PCDHA3: variants seen among roughly 807,000 people sequenced by gnomAD.
PCDHA3 encodes the protein protocadherin alpha 3.
In PCDHA3, 41 loss-of-function variants were observed where a neutral mutation model predicts 62.2. The observed-to-expected ratio is 0.66, with a 90% CI of 0.51 to 0.86. The LOEUF (loss-of-function observed/expected upper bound fraction) is 0.86, where lower values mean the gene tolerates loss of function less well. Among genes scored for constraint, PCDHA3 ranks in the 40% least tolerant of loss-of-function variants. PCDHA3 has a pLI of 0.00. For synonymous variants in PCDHA3, 640 were observed against 555.4 expected (o/e 1.15, Z -2.14); for missense variants, 1,304 against 1,241.2 (o/e 1.05, Z -0.76).
At chr5:140,832,758 A>G (rs1554133636) in intron 1 of PCDHA3, among the ~76,000 whole-genome samples, 1 of 152,224 alleles carries the variant, frequency 6.6e-6, no homozygotes, top group Non-Finnish European at 1.5e-5. Flanking sequence ...AGTAAAAGCA[A>G]GAATATTGTA....
rs2098418726 is a variant in PCDHA3 at position 141,010,899 on chromosome 5, C to T, written c.*962C>T. 2 of 153,680 alleles carry T rather than the reference C, an allele frequency of 1.3e-5. No individual in the cohort carries two copies. Among genetic ancestry groups the T allele is most frequent in the Admixed American group, 6.6e-5 (1 of 15,264 alleles). The allele number at this position is 153,680 out of a possible 1,614,324, so 9.5% of individuals were successfully genotyped here. ...TTTAAAGAGAAATATGAATACAATT[C>T]CCCTAAACTCTCCTCAAAAGAGAAT... On this transcript the variant is annotated 3_prime_UTR_variant, in exon 4 of 4. Coordinates refer to ENST00000522353, the MANE Select transcript of PCDHA3 (RefSeq NM_018906.3).
intron 1 of PCDHA3, among the ~76,000 whole-genome samples, chr5:140,941,231 C>CTTTCTTTCTTTCTTTCTT (rs2092927472): frequency 2.2e-5 from 3 of 136,876 alleles, no homozygotes; most frequent in African/African-American, 8.3e-5. Context: ...TTCTTTCTTT[C>CTTTCTTTCTTTCTTTCTT]TTTCTTTCTT....
Position 140,870,665 on chromosome 5 carries a change from C to T in PCDHA3, c.2394+67074C>T, listed in dbSNP as rs782328974. ...AGCGGCAAGGTGTACGCGCTGCAGC[C>T]GTTGGACCACGAGGAGCTGGAGCTG... On this transcript the variant is annotated intron_variant, in intron 1 of 3. Coordinates refer to ENST00000522353, the MANE Select transcript of PCDHA3 (RefSeq NM_018906.3). 1.2e-5 allele frequency: 20 copies of T among 1,612,506 alleles called. No individual in the cohort carries two copies. The South Asian group carries it at 1.4e-4, about 12-fold the overall frequency.
intron 1 of PCDHA3, chr5:140,834,269 A>C: frequency 9.7e-7 from 1 of 1,036,048 alleles, no homozygotes; most frequent in Non-Finnish European, 1.4e-6. Flanking sequence ...ACTCTCTTTC[A>C]CTCTTTGGAT....
chr5:140,850,575 G>A, intron 1 of PCDHA3: 1 of 1,598,458 alleles, frequency 6.3e-7, no homozygotes, highest in Non-Finnish European at 8.6e-7. Flanking sequence ...GGTGACGCTG[G>A]TGGATGTCAA....
chr5:140,941,201 TCC>T lies in PCDHA3; in HGVS notation c.2395-37747_2395-37746del, dbSNP rs1554213890. On this transcript the variant is annotated intron_variant, in intron 1 of 3. Coordinates refer to ENST00000522353, the MANE Select transcript of PCDHA3 (RefSeq NM_018906.3). The stretch of plus-strand genomic sequence containing the variant: ...ATCCTGCTTCTTTTTTTTTCTTTCT[TCC>T]TTTCTTTCTTCCTTTCTTTCTTTCT... 4.9e-3 allele frequency among the ~76,000 whole-genome samples: 512 copies of T among 103,578 alleles called. 4 individuals are homozygous for T. The highest frequency in any genetic ancestry group is 7.0e-3 in the African/African-American group (178 of 25,432). 68.0% of individuals were successfully genotyped at this position (103,578 alleles called of 152,430 possible). A position where few individuals can be genotyped will look rare whatever the true frequency, so the allele number is the denominator to read the frequency against.
At position 140,801,490 on chromosome 5, in the gene PCDHA3, G is replaced by A. The variant is rs782381789; in HGVS notation, c.293G>A (p.Arg98Gln). 7 of 1,614,006 alleles carry A rather than the reference G, an allele frequency of 4.3e-6. No homozygotes were observed. The highest frequency in any genetic ancestry group is 1.7e-4 in the Middle Eastern group (1 of 5,978). The change falls in exon 1 of 4, where the codon CGG becomes CAG. Residue 98 changes from arginine (R) to glutamine (Q), a missense_variant. Transcript: ENST00000522353. Reference sequence around the variant, plus strand: ...ATAGACCGCGAGGAACTGTGCGGGCGGAGCGCGGAGTGCAGCATCCACCTG... The same window carrying A: ...ATAGACCGCGAGGAACTGTGCGGGCAGAGCGCGGAGTGCAGCATCCACCTG... ...SRIDREELCG[R>Q]SAECSIHLEV...
At chr5:140,832,322 A>C (rs187612308) in intron 1 of PCDHA3, among the ~76,000 whole-genome samples, 11 of 152,360 alleles carry the variant, frequency 7.2e-5, no homozygotes, top group African/African-American at 2.4e-4. Context: ...CTTAAGGGCC[A>C]TTAGAGGACT....
At chr5:140,915,814 A>G (rs2077313905) in intron 1 of PCDHA3, among the ~76,000 whole-genome samples, 1 of 152,102 alleles carries the variant, frequency 6.6e-6, no homozygotes, top group African/African-American at 2.4e-5. Flanking sequence ...TGTTCACTCA[A>G]GGCCCTAGGG....
In PCDHA3 at chr5:140,898,801, A is replaced by T. The variant is rs1275933236; in HGVS notation, c.2395-80148A>T. The stretch of plus-strand genomic sequence containing the variant: ...TGGGCAGTATGGCCATTTTCACGAT[A>T]CTGATTCTTCCTACCCATGAGCATG... On this transcript the variant is annotated intron_variant, in intron 1 of 3. Coordinates refer to ENST00000522353, the MANE Select transcript of PCDHA3 (RefSeq NM_018906.3). Among the ~76,000 whole-genome samples the T allele has an allele frequency of 1.3e-5, 2 of 152,200 alleles. 1 individual carries two copies. The highest frequency in any genetic ancestry group is 3.8e-4 in the East Asian group (2 of 5,198).
intron 1 of PCDHA3, chr5:140,877,530 T>C: frequency 1.2e-6 from 2 of 1,613,780 alleles, no homozygotes; most frequent in Non-Finnish European, 1.7e-6. Context: ...CAGTGGGCGC[T>C]GTGGATCCCG....
rs774149101 is a variant in PCDHA3 at position 140,801,740 on chromosome 5, C to T, written c.543C>T (p.Asp181=). 1.9e-6 allele frequency: 3 copies of T among 1,613,818 alleles called. No individual in the cohort carries two copies. Among genetic ancestry groups the T allele is most frequent in the Non-Finnish European group, 2.5e-6 (3 of 1,179,994 alleles). The part of the protein sequence containing the change: ...SLDSTEYFTL[D]VKRNDEEIKS... ...ATTCCACTGAATATTTTACCTTGGA[C>T]GTTAAAAGAAATGATGAGGAAATTA... The change falls in exon 1 of 4, where the codon GAC becomes GAT. Residue 181 remains aspartate, a synonymous_variant. Coordinates refer to ENST00000522353, the MANE Select transcript of PCDHA3 (RefSeq NM_018906.3).
chr5:140,882,152 G>A (rs1582595300), intron 1 of PCDHA3: 2 of 1,505,314 alleles, frequency 1.3e-6, no homozygotes, highest in Non-Finnish European at 8.9e-7. Flanking sequence ...GCAGAAAGCG[G>A]AATACCTCTT....
At position 140,856,129 on chromosome 5, in the gene PCDHA3, C is replaced by A. The variant is rs149039484; in HGVS notation, c.2394+52538C>A. Reference sequence around the variant, plus strand: ...TCCTCGCAGCCTGGGAGGTGGGGAGCGGCCAGCTCCACTACTCAGTCTACG... The same window carrying A: ...TCCTCGCAGCCTGGGAGGTGGGGAGAGGCCAGCTCCACTACTCAGTCTACG... On this transcript the variant is annotated intron_variant, in intron 1 of 3. Coordinates refer to ENST00000522353, the MANE Select transcript of PCDHA3 (RefSeq NM_018906.3). 3,312 of 1,598,096 alleles carry A rather than the reference C, an allele frequency of 2.1e-3. 297 individuals are homozygous for A. Among genetic ancestry groups the A allele is most frequent in the Non-Finnish European group, 2.6e-3 (3,056 of 1,167,792 alleles).
chr5:140,883,925 G>T (rs1554180613), intron 1 of PCDHA3: 2 of 1,613,466 alleles, frequency 1.2e-6, no homozygotes, highest in Non-Finnish European at 1.7e-6. Context: ...GACGCTGCAG[G>T]TGTTCGTGCT....
chr5:140,892,943 AC>A (rs2063750109), intron 1 of PCDHA3, among the ~76,000 whole-genome samples: 1 of 152,088 alleles, frequency 6.6e-6, no homozygotes, highest in South Asian at 2.1e-4. Flanking sequence ...TAAGCACAAT[AC>A]TACTTCCATG....
At chr5:140,884,539 G>A (rs782320700) in intron 1 of PCDHA3, 78 of 1,613,968 alleles carry the variant, frequency 4.8e-5, no homozygotes, top group Non-Finnish European at 6.2e-5. Flanking sequence ...GGCGGCCGAG[G>A]GTGTGCTCTG....
chr5:140,899,191 C>G (rs1583332627), intron 1 of PCDHA3, among the ~76,000 whole-genome samples: 2 of 151,090 alleles, frequency 1.3e-5, no homozygotes, highest in Non-Finnish European at 3.0e-5. Flanking sequence ...TTTCCTTCTC[C>G]TGCCTAATTG....
At position 140,872,763 on chromosome 5, in the gene PCDHA3, G is replaced by T. The variant is rs560485194; in HGVS notation, c.2394+69172G>T. The stretch of plus-strand genomic sequence containing the variant: ...AACTTGCTAAAGACATGCATATAGG[G>T]CTATATTATCTATAATATATGCTAG... On this transcript the variant is annotated intron_variant, in intron 1 of 3. Transcript: ENST00000522353. Among the ~76,000 whole-genome samples, 293 of 152,126 alleles carry T rather than the reference G, an allele frequency of 1.9e-3. 2 individuals are homozygous for T. The highest frequency in any genetic ancestry group is 3.6e-3 in the Non-Finnish European group (245 of 67,974).
Sources: gnomAD v4.1 joint callset for allele counts (sites outside exome capture counted in the v4.1 genomes callset) on GRCh38, gnomAD v4.1.1 for gene constraint, MANE v1.5 for transcripts, NCBI Gene and HGNC (gene_info 2026-07-23, HGNC 2026-07-21) for gene names.